Variants in SHISA9 observed in about 807,000 individuals in gnomAD.
The protein encoded by SHISA9 is protein shisa-9.
In SHISA9, 13 loss-of-function variants were observed where a neutral mutation model predicts 38.0. The ratio of observed to expected loss-of-function variants is 0.34; its 90% confidence interval spans 0.22 to 0.54. The LOEUF (loss-of-function observed/expected upper bound fraction) is 0.54, where lower values mean the gene tolerates loss of function less well. SHISA9 is among the 20% of genes least tolerant of loss of function. The pLI is 0.91. For missense variants in SHISA9, 538 were observed against 575.8 expected (o/e 0.93, Z 0.67); for synonymous variants, 275 against 242.0 (o/e 1.14, Z -1.27).
chr16:13,321,920 T>C, the SHISA9 span, among the ~76,000 whole-genome samples: 1 of 152,232 alleles, frequency 6.6e-6, no homozygotes, highest in African/African-American at 2.4e-5. Context: ...GGATTTGTGA[T>C]CATTAAACAA....
At chr16:13,038,747 C>G (rs756608926) in intron 2 of SHISA9, among the ~76,000 whole-genome samples, 17 of 152,176 alleles carry the variant, frequency 1.1e-4, no homozygotes, top group Non-Finnish European at 2.2e-4. Flanking sequence ...TGTTAATTCT[C>G]TTCCTCACTA....
chr16:12,986,325 G>T (rs1567173213), intron 2 of SHISA9, among the ~76,000 whole-genome samples: 1 of 151,950 alleles, frequency 6.6e-6, no homozygotes, highest in Non-Finnish European at 1.5e-5. Flanking sequence ...TTTCTTGCTT[G>T]CTATTTGTGT....
At chr16:13,242,208 C>G (rs1287163707), downstream of SHISA9, among the ~76,000 whole-genome samples, 8 of 152,142 alleles carry the variant, frequency 5.3e-5, no homozygotes, top group Admixed American at 5.2e-4. Flanking sequence ...GATTTGAACT[C>G]CAGAGCTCAT....
At chr16:13,503,422 G>A in the SHISA9 span, among the ~76,000 whole-genome samples, 1 of 152,096 alleles carries the variant, frequency 6.6e-6, no homozygotes, top group Non-Finnish European at 1.5e-5. Flanking sequence ...TGCTTAGGTG[G>A]TTCTTTTGTT....
the SHISA9 span, among the ~76,000 whole-genome samples, chr16:13,488,479 T>A: frequency 6.6e-6 from 1 of 152,226 alleles, no homozygotes; most frequent in Non-Finnish European, 1.5e-5. Flanking sequence ...TACTGTTGCA[T>A]ATACAATATT....
At chr16:13,063,129 C>G (rs1230085634) in intron 2 of SHISA9, among the ~76,000 whole-genome samples, 2 of 152,188 alleles carry the variant, frequency 1.3e-5, no homozygotes, top group East Asian at 3.8e-4. Context: ...GCCTCAGCCT[C>G]CCGAGTAGCT....
the SHISA9 span, among the ~76,000 whole-genome samples, chr16:13,552,542 A>G: frequency 6.6e-6 from 1 of 151,910 alleles, no homozygotes; most frequent in Non-Finnish European, 1.5e-5. Context: ...CCCTGCAACA[A>G]CCCTGGAGGT....
the SHISA9 span, among the ~76,000 whole-genome samples, chr16:13,257,465 G>C: frequency 5.9e-5 from 9 of 152,282 alleles, no homozygotes; most frequent in East Asian, 7.7e-4. Context: ...CGGGTATACT[G>C]TCTACGCTCA....
At chr16:13,219,619 A>G (rs2051202730) in intron 4 of SHISA9, among the ~76,000 whole-genome samples, 1 of 152,150 alleles carries the variant, frequency 6.6e-6, no homozygotes, top group Non-Finnish European at 1.5e-5. Context: ...ACAAATTTGT[A>G]GGAGGAGGGC....
the SHISA9 span, among the ~76,000 whole-genome samples, chr16:13,460,590 T>C: frequency 6.6e-6 from 1 of 152,218 alleles, no homozygotes. Context: ...ACAGTGCCTG[T>C]CACATATGGA....
chr16:13,433,456 T>C, the SHISA9 span, among the ~76,000 whole-genome samples: 3 of 152,330 alleles, frequency 2.0e-5, 1 homozygote, highest in South Asian at 6.2e-4. Context: ...TCTATGTGCA[T>C]GAGATACATC....
intron 2 of SHISA9, among the ~76,000 whole-genome samples, chr16:13,010,835 G>A (rs547016029): frequency 2.0e-4 from 31 of 151,972 alleles, no homozygotes; most frequent in Non-Finnish European, 4.1e-4. Flanking sequence ...GCCTGTAATC[G>A]CAGCTACTTG....
chr16:13,372,456 T>G, the SHISA9 span, among the ~76,000 whole-genome samples: 1 of 152,198 alleles, frequency 6.6e-6, no homozygotes, highest in Non-Finnish European at 1.5e-5. Context: ...TTAGGTCTAA[T>G]TGCAACTTGC....
intron 2 of SHISA9, among the ~76,000 whole-genome samples, chr16:13,181,606 G>T (rs1176548715): frequency 6.6e-6 from 1 of 151,940 alleles, no homozygotes; most frequent in African/African-American, 2.4e-5. Flanking sequence ...TAGTTAAGGG[G>T]TCTGAAGCAG....
At chr16:13,452,651 T>G in the SHISA9 span, among the ~76,000 whole-genome samples, 2 of 152,166 alleles carry the variant, frequency 1.3e-5, no homozygotes, top group Non-Finnish European at 2.9e-5. Flanking sequence ...ATCACATCAT[T>G]CAATAGCATA....
chr16:13,132,063 A>T (rs898804548), intron 2 of SHISA9, among the ~76,000 whole-genome samples: 19 of 152,220 alleles, frequency 1.2e-4, no homozygotes, highest in African/African-American at 3.9e-4. Flanking sequence ...AGCACAGGAC[A>T]ATGTGTCTGT....
At chr16:12,961,074 G>T (rs1446627158) in intron 2 of SHISA9, among the ~76,000 whole-genome samples, 2 of 152,152 alleles carry the variant, frequency 1.3e-5, no homozygotes, top group Non-Finnish European at 2.9e-5. Context: ...TTGGTCAGGG[G>T]TCAGGGGTCA....
chr16:13,223,769 C>G (rs1259812172), intron 4 of SHISA9, among the ~76,000 whole-genome samples: 1 of 152,194 alleles, frequency 6.6e-6, no homozygotes, highest in Non-Finnish European at 1.5e-5. Context: ...AAAAGCATGC[C>G]TTACATGGCA....
chr16:13,038,868 T>C (rs897825101), intron 2 of SHISA9, among the ~76,000 whole-genome samples: 2 of 152,214 alleles, frequency 1.3e-5, no homozygotes, highest in Non-Finnish European at 2.9e-5. Context: ...GTTGAATGAC[T>C]CAGTACCTGT....
Sources: gnomAD v4.1 joint callset for allele counts (sites outside exome capture counted in the v4.1 genomes callset) on GRCh38, gnomAD v4.1.1 for gene constraint, MANE v1.5 for transcripts, NCBI Gene and HGNC (gene_info 2026-07-23, HGNC 2026-07-21) for gene names.